The following UBE2K variants were observed in gnomAD, a reference collection of about 807,000 sequenced individuals.
UBE2K encodes the protein ubiquitin-conjugating enzyme E2 K.
In UBE2K, 6 loss-of-function variants were observed where a neutral mutation model predicts 30.0. The ratio of observed to expected loss-of-function variants is 0.20; its 90% CI spans 0.11 to 0.39. The LOEUF (loss-of-function observed/expected upper bound fraction) is 0.39. UBE2K is among the 10% of genes least tolerant of loss of function. The probability of loss-of-function intolerance (pLI) is 1.00; values close to 1 mark genes in which losing one functional copy is unlikely to be tolerated. For synonymous variants in UBE2K, 86 were observed against 83.7 expected (o/e 1.03, Z -0.15); for missense variants, 61 against 241.6 (o/e 0.25, Z 4.96).
At chr4:39,714,381 GCTC>G (rs1475558333) in intron 1 of UBE2K, 1 of 171,392 alleles carries the variant, frequency 5.8e-6, no homozygotes, top group African/African-American at 2.4e-5. Context: ...TCAGAATAGG[GCTC>G]CTGGGACACT....
At chr4:39,701,784 G>A (rs575212573) in intron 1 of UBE2K, among the ~76,000 whole-genome samples, 68 of 150,162 alleles carry the variant, frequency 4.5e-4, no homozygotes, top group African/African-American at 1.7e-3. Flanking sequence ...CTTTTAAGAA[G>A]GAATCTCGCT....
At chr4:39,751,195 G>T (rs1721234861) in intron 3 of UBE2K, among the ~76,000 whole-genome samples, 1 of 151,398 alleles carries the variant, frequency 6.6e-6, no homozygotes, top group Non-Finnish European at 1.5e-5. Flanking sequence ...CACCTGCCTT[G>T]GCTTCCCAAA....
intron 1 of UBE2K, chr4:39,714,542 A>ATTTTTTT (rs1275060030): frequency 1.8e-3 from 36 of 20,196 alleles, no homozygotes; most frequent in South Asian, 2.2e-3. Context: ...ATATATATAT[A>ATTTTTTT]TATATATATT....
At chr4:39,728,833 T>TG (rs1482521980) in intron 1 of UBE2K, among the ~76,000 whole-genome samples, 1 of 150,282 alleles carries the variant, frequency 6.7e-6, no homozygotes, top group East Asian at 2.0e-4. Context: ...TTTTGTTTTT[T>TG]TTTTTTTGTA....
chr4:39,773,717 C>G (rs928505376), intron 4 of UBE2K, among the ~76,000 whole-genome samples: 1 of 151,774 alleles, frequency 6.6e-6, no homozygotes, highest in Admixed American at 6.6e-5. Flanking sequence ...GTCAGGAGAT[C>G]GAGACCATCC....
At chr4:39,720,138 C>G (rs1429663402) in intron 1 of UBE2K, among the ~76,000 whole-genome samples, 1 of 152,198 alleles carries the variant, frequency 6.6e-6, no homozygotes, top group African/African-American at 2.4e-5. Flanking sequence ...AGCTCATCCC[C>G]AACCATTGTG....
At chr4:39,699,248 G>A (rs1717874294) in intron 1 of UBE2K, among the ~76,000 whole-genome samples, 2 of 152,282 alleles carry the variant, frequency 1.3e-5, no homozygotes, top group South Asian at 4.1e-4. Flanking sequence ...TTAAGACAGT[G>A]CCTCTGTGAC....
At chr4:39,759,901 C>T (rs1394866142) in intron 4 of UBE2K, among the ~76,000 whole-genome samples, 2 of 152,104 alleles carry the variant, frequency 1.3e-5, no homozygotes, top group Non-Finnish European at 2.9e-5. Flanking sequence ...CCAGGCAGGG[C>T]ACGGTGGCTC....
intron 1 of UBE2K, among the ~76,000 whole-genome samples, chr4:39,735,371 A>G (rs1188695240): frequency 6.6e-6 from 1 of 151,434 alleles, no homozygotes; most frequent in East Asian, 1.9e-4. Flanking sequence ...ACCATGCCCA[A>G]CTAAATTTTT....
chr4:39,752,821 T>C (rs1721339213), intron 3 of UBE2K, among the ~76,000 whole-genome samples: 1 of 151,878 alleles, frequency 6.6e-6, no homozygotes, highest in Non-Finnish European at 1.5e-5. Context: ...AAAATGCTCG[T>C]TGGAGCATTT....
At chr4:39,735,347 T>C (rs1251127620) in intron 1 of UBE2K, among the ~76,000 whole-genome samples, 1 of 152,158 alleles carries the variant, frequency 6.6e-6, no homozygotes, top group Non-Finnish European at 1.5e-5. Context: ...GTAGCAGGAC[T>C]ACAGGTGTGC....
chr4:39,703,862 A>G (rs1718176812), intron 1 of UBE2K, among the ~76,000 whole-genome samples: 1 of 148,666 alleles, frequency 6.7e-6, no homozygotes, highest in South Asian at 2.1e-4. Context: ...AAAAAAAAAA[A>G]AGAATACTTT....
intron 1 of UBE2K, among the ~76,000 whole-genome samples, chr4:39,713,573 CACATA>C (rs1385743706): frequency 1.3e-5 from 2 of 151,296 alleles, no homozygotes; most frequent in Admixed American, 6.6e-5. Context: ...TAGTAAAATA[CACATA>C]ACATAAAATT....
rs1713556324 is a variant in UBE2K at position 39,780,625 on chromosome 4, C to T, written c.*2191C>T. The T allele has an allele frequency of 1.3e-5, 2 of 152,098 alleles. No homozygotes were observed. Among genetic ancestry groups the T allele is most frequent in the South Asian group, 4.1e-4 (2 of 4,828 alleles). 9.4% of individuals were successfully genotyped at this position (152,098 alleles called of 1,614,324 possible). A position where few individuals can be genotyped will look rare whatever the true frequency, so the allele number is the denominator to read the frequency against. ...GGAAAGTACAATATTTGGTTTGAGA[C>T]ATTCTTCATAAAAGATTCTTTATTA... On this transcript the variant is annotated 3_prime_UTR_variant, in exon 7 of 7. Transcript: ENST00000261427.
chr4:39,765,087 G>T (rs940201614), intron 4 of UBE2K, among the ~76,000 whole-genome samples: 3 of 151,940 alleles, frequency 2.0e-5, no homozygotes, highest in Non-Finnish European at 2.9e-5. Flanking sequence ...GGGTTTCACC[G>T]TGTTAGCCAG....
At chr4:39,772,500 A>G (rs1243555016) in intron 4 of UBE2K, among the ~76,000 whole-genome samples, 1 of 151,864 alleles carries the variant, frequency 6.6e-6, no homozygotes, top group South Asian at 2.1e-4. Context: ...ACCTGAGCCA[A>G]AGAGGTCAAG....
intron 4 of UBE2K, among the ~76,000 whole-genome samples, chr4:39,772,624 C>T (rs903335827): frequency 1.7e-4 from 26 of 151,726 alleles, no homozygotes; most frequent in Non-Finnish European, 3.1e-4. Flanking sequence ...AATGGGCATT[C>T]TCTTTACATG....
At chr4:39,717,036 C>T (rs1426377164) in intron 1 of UBE2K, among the ~76,000 whole-genome samples, 3 of 145,466 alleles carry the variant, frequency 2.1e-5, no homozygotes, top group South Asian at 2.2e-4. Flanking sequence ...GTGGGTGGTG[C>T]GCATCAGTAG....
At chr4:39,769,219 T>G (rs1272877846) in intron 4 of UBE2K, among the ~76,000 whole-genome samples, 42 of 151,842 alleles carry the variant, frequency 2.8e-4, no homozygotes, top group Non-Finnish European at 1.9e-4. Flanking sequence ...TTTTGTTTTT[T>G]TTTTTTTTTC....
Sources: allele counts gnomAD v4.1 joint callset (sites outside exome capture counted in the v4.1 genomes callset), GRCh38; gene constraint gnomAD v4.1.1; transcripts MANE v1.5; gene names NCBI Gene and HGNC (gene_info 2026-07-23, HGNC 2026-07-21).